Variants in UTP14C observed in about 807,000 individuals in gnomAD.
UTP14C encodes the protein UTP14C small subunit processome component.
Under a neutral mutation model 14.6 loss-of-function variants are expected in UTP14C, and 10 were observed. The observed-to-expected ratio is 0.68, with a 90% CI of 0.42 to 1.16. UTP14C has a LOEUF of 1.16. Ranked by LOEUF, UTP14C falls within the 50% of genes most tolerant of loss-of-function variation. UTP14C has a pLI of 0.00. For missense variants in UTP14C, 818 were observed against 890.8 expected, an observed-to-expected ratio of 0.92 and a Z score of 1.04; for synonymous variants, 315 against 331.6, an observed-to-expected ratio of 0.95 and a Z score of 0.54.
In UTP14C at chr13:52,030,208, A is replaced by G; in HGVS notation, c.1404A>G (p.Lys468=). 6.2e-7 allele frequency: 1 copy of G among 1,614,192 alleles called. No individual in the cohort carries two copies. Among genetic ancestry groups the G allele is most frequent in the Non-Finnish European group, 8.5e-7 (1 of 1,180,040 alleles). Residue 468 remains lysine (K), a synonymous_variant, in exon 2 of 2, where the codon AAA becomes AAG. Coordinates refer to ENST00000521776, the MANE Select transcript of UTP14C (RefSeq NM_021645.6). ...LRALSQKLKE[K]HQSRKQKASS... ...CACTATCTCAGAAATTGAAGGAAAA[A>G]CATCAGTCCAGGAAGCAAAAAGCAA...
chr13:52,031,221 C>G lies in UTP14C; in HGVS notation c.*116C>G. ...GCTCAGCACATTGCATGTAGTTGAG[C>G]CACATTTTTTAAAAAAAGAAAATGG... On this transcript the variant is annotated 3_prime_UTR_variant, in exon 2 of 2. Transcript: ENST00000521776. 1 of 1,444,540 alleles carries G rather than the reference C, an allele frequency of 6.9e-7. No homozygotes were observed. The highest frequency in any genetic ancestry group is 9.2e-7 in the Non-Finnish European group (1 of 1,083,924). The allele number at this position is 1,444,540 out of a possible 1,614,324, so 89.5% of individuals were successfully genotyped here.
intron 1 of UTP14C, among the ~76,000 whole-genome samples, chr13:52,027,236 T>C (rs1333394444): frequency 6.6e-6 from 1 of 152,018 alleles, no homozygotes; most frequent in East Asian, 1.9e-4. Flanking sequence ...TTCAGTAAGT[T>C]TATCTGTGAA....
rs1454573293 is a variant in UTP14C, at chr13:52,033,241, T to C, written c.*2136T>C. ...AACTTTCAGGATGACTATTAATTCC[T>C]CTCAGATGTCATTTTTGAGTGGTCC... On this transcript the variant is annotated 3_prime_UTR_variant, in exon 2 of 2. Transcript: ENST00000521776. The C allele has an allele frequency of 1.2e-5, 2 of 167,076 alleles. No individual in the cohort carries two copies. Among genetic ancestry groups the C allele is most frequent in the Admixed American group, 1.3e-4 (2 of 15,270 alleles). The allele number at this position is 167,076 out of a possible 1,614,324, so 10.3% of individuals were successfully genotyped here. A position where few individuals can be genotyped will look rare whatever the true frequency, so the allele number is the denominator to read the frequency against.
At chr13:52,026,173 G>A (rs904055625) in intron 1 of UTP14C, among the ~76,000 whole-genome samples, 3 of 152,166 alleles carry the variant, frequency 2.0e-5, no homozygotes, top group African/African-American at 4.8e-5. Context: ...AGACTTGTGC[G>A]GGCAGGGAAC....
rs760170513 is a variant in UTP14C, at chr13:52,028,779, A to G, written c.-26A>G. On this transcript the variant is annotated 5_prime_UTR_variant, in exon 2 of 2. Coordinates refer to ENST00000521776, the MANE Select transcript of UTP14C (RefSeq NM_021645.6). The stretch of plus-strand genomic sequence containing the variant: ...CTAGCCTTCGGCTTCCATTCTTGGT[A>G]TACATGAGAGAGGCTGGCTGCTGAG... 3 of 1,614,232 alleles carry G rather than the reference A, an allele frequency of 1.9e-6. No homozygotes were observed. The highest frequency in any genetic ancestry group is 3.3e-5 in the Admixed American group (2 of 60,018).
chr13:52,032,127 CAGG>C lies in UTP14C; in HGVS notation c.*1025_*1027del, dbSNP rs1159745033. On this transcript the variant is annotated 3_prime_UTR_variant, in exon 2 of 2. Coordinates refer to ENST00000521776, the MANE Select transcript of UTP14C (RefSeq NM_021645.6). ...ATCCCAGCTACTTGGGAGACTGAGGCAGGAGAATTGCTTGAAACTGGAAGGCAG... is the reference window on the plus strand; with the variant it reads ...ATCCCAGCTACTTGGGAGACTGAGGCAGAATTGCTTGAAACTGGAAGGCAG... 5 of 152,834 alleles carry C rather than the reference CAGG, an allele frequency of 3.3e-5. No individual in the cohort carries two copies. Among genetic ancestry groups the C allele is most frequent in the African/African-American group, 1.2e-4 (5 of 41,430 alleles). 9.5% of individuals were successfully genotyped at this position (152,834 alleles called of 1,614,324 possible). A position where few individuals can be genotyped will look rare whatever the true frequency, so the allele number is the denominator to read the frequency against.
At position 52,030,084 on chromosome 13, in the gene UTP14C, C is replaced by A; in HGVS notation, c.1280C>A (p.Ser427Tyr). ...TTGAGAGAATTTGAGGAAAGGCAAT[C>A]CCTTAGAAAAAGATCTGAGCTCAAC... ...ILLREFEERQ[S>Y]LRKRSELNQD... The change falls in exon 2 of 2, where the codon TCC becomes TAC. Residue 427 changes from serine to tyrosine, a missense_variant. Physicochemically the swap from Ser to Tyr is moderately radical, Grantham distance 144 (BLOSUM62 -2). Transcript: ENST00000521776. 6.2e-7 allele frequency: 1 copy of A among 1,614,178 alleles called. No homozygotes were observed. Among genetic ancestry groups the A allele is most frequent in the Non-Finnish European group, 8.5e-7 (1 of 1,180,044 alleles).
chr13:52,029,814 A>C lies in UTP14C; in HGVS notation c.1010A>C (p.Gln337Pro). Residue 337 changes from glutamine (Q) to proline (P), a missense_variant, in exon 2 of 2, where the codon CAG (glutamine) becomes CCG (proline). By Grantham distance (76) the Gln-to-Pro change is moderately conservative. Transcript: ENST00000521776. ...AKNKELTQKL[Q>P]VASESEEEEG... is the part of the protein sequence containing the mutation. ...AACAAAGAACTGACACAGAAACTCCAGGTAGCCTCTGAGAGTGAGGAAGAG... is the reference window on the plus strand; with the variant it reads ...AACAAAGAACTGACACAGAAACTCCCGGTAGCCTCTGAGAGTGAGGAAGAG... 6.2e-7 allele frequency: 1 copy of C among 1,614,252 alleles called. No homozygotes were observed. Among genetic ancestry groups the C allele is most frequent in the Non-Finnish European group, 8.5e-7 (1 of 1,180,046 alleles).
chr13:52,028,630 G>A lies in UTP14C; in HGVS notation c.-175G>A, dbSNP rs745659911. 8 of 1,585,646 alleles carry A rather than the reference G, an allele frequency of 5.0e-6. No homozygotes were observed. In the African/African-American group the frequency reaches 9.5e-5, roughly 19 times the overall value. On this transcript the variant is annotated 5_prime_UTR_variant, in exon 2 of 2. Transcript: ENST00000521776. ...AATTAAAGATATTTTATATAAACTG[G>A]TTAAACACCTTCATATGTAAATATT...
rs41292790 is a variant in UTP14C at position 52,024,999 on chromosome 13, A to G, written c.-487+62A>G. The G allele has an allele frequency of 0.12, 174,461 of 1,501,530 alleles. 10,658 individuals are homozygous for G. The highest frequency in any genetic ancestry group is 0.16 in the Middle Eastern group (916 of 5,848). The allele number at this position is 1,501,530 out of a possible 1,614,324, so 93.0% of individuals were successfully genotyped here. A position where few individuals can be genotyped will look rare whatever the true frequency, so the allele number is the denominator to read the frequency against. On this transcript the variant is annotated intron_variant, in intron 1 of 1. Coordinates refer to ENST00000521776, the MANE Select transcript of UTP14C (RefSeq NM_021645.6). The stretch of plus-strand genomic sequence containing the variant: ...GAGATACACATTTTAAGTTCTTTTG[A>G]TAAAATGATAATACTCTGGAAATCT...
At chr13:52,027,373 C>T (rs1369284889) in intron 1 of UTP14C, among the ~76,000 whole-genome samples, 1 of 152,118 alleles carries the variant, frequency 6.6e-6, no homozygotes, top group Non-Finnish European at 1.5e-5. Flanking sequence ...GTAAAAGATG[C>T]AGGTCTCTGA....
In UTP14C at chr13:52,029,099, T is replaced by C. The variant is rs1177474375; in HGVS notation, c.295T>C (p.Leu99=). The change falls in exon 2 of 2, where the codon TTG becomes CTG. Residue 99 remains leucine (L), a synonymous_variant. Transcript: ENST00000521776. ...LLEPVKTSSS[L]ATVKKQLNRV... Reference sequence around the variant, plus strand: ...TGAGCCCGTTAAAACTTCATCTTCTTTGGCCACTGTAAAAAAGCAACTGAA... The same window carrying C: ...TGAGCCCGTTAAAACTTCATCTTCTCTGGCCACTGTAAAAAAGCAACTGAA... 1.4e-5 allele frequency: 22 copies of C among 1,614,054 alleles called. No individual in the cohort carries two copies. Among genetic ancestry groups the C allele is most frequent in the Non-Finnish European group, 1.9e-5 (22 of 1,180,042 alleles).
At chr13:52,027,222 C>T (rs1954249818) in intron 1 of UTP14C, among the ~76,000 whole-genome samples, 1 of 152,052 alleles carries the variant, frequency 6.6e-6, no homozygotes. Context: ...GTGCAAACCA[C>T]ACTTTCAGTA....
Position 52,029,615 on chromosome 13 carries a change from CAGA to C in UTP14C, c.814_816del (p.Lys272del). The C allele has an allele frequency of 1.2e-6, 2 of 1,614,170 alleles. No homozygotes were observed. Among genetic ancestry groups the C allele is most frequent in the South Asian group, 1.1e-5 (1 of 91,082 alleles). ...AGCCTTAAAAGAGTTTGAGCAGCTA[CAGA>C]AGGTTAATCCAACTGTGGCACTGGA... On this transcript the variant is annotated inframe_deletion, in exon 2 of 2. Coordinates refer to ENST00000521776, the MANE Select transcript of UTP14C (RefSeq NM_021645.6).
At position 52,028,927 on chromosome 13, in the gene UTP14C, G is replaced by T; in HGVS notation, c.123G>T (p.Lys41Asn). The T allele has an allele frequency of 6.2e-7, 1 of 1,614,222 alleles. No individual in the cohort carries two copies. The highest frequency in any genetic ancestry group is 1.7e-5 in the Admixed American group (1 of 60,022). ...EDEGDSDGERKHQKLLEAIIS... is the reference protein window; with the variant it reads ...EDEGDSDGERNHQKLLEAIIS... ...AGGGGGACAGTGATGGAGAGAGAAA[G>T]CATCAAAAGCTTCTGGAAGCAATCA... The change falls in exon 2 of 2, where the codon AAG becomes AAT. Residue 41 changes from lysine to asparagine, a missense_variant. By Grantham distance (94) the Lys-to-Asn change is moderately conservative. Transcript: ENST00000521776.
Position 52,030,493 on chromosome 13 carries a change from G to GA in UTP14C, c.1690dup (p.Thr564AsnfsTer22). On this transcript the variant is annotated frameshift_variant, in exon 2 of 2. Coordinates refer to ENST00000521776, the MANE Select transcript of UTP14C (RefSeq NM_021645.6). LOFTEE classifies it high-confidence loss of function. Reference sequence around the variant, plus strand: ...AACTGATCAACCTACAGAACTTCCTGACCACACAGTCTCCTTCCGTGAGGT... The same window carrying GA: ...AACTGATCAACCTACAGAACTTCCTGAACCACACAGTCTCCTTCCGTGAGGT... 1 of 1,614,218 alleles carries GA rather than the reference G, an allele frequency of 6.2e-7. No individual in the cohort carries two copies. The highest frequency in any genetic ancestry group is 8.5e-7 in the Non-Finnish European group (1 of 1,180,036).
Position 52,028,653 on chromosome 13 carries a change from A to AT in UTP14C, c.-147dup. The AT allele has an allele frequency of 2.6e-6, 4 of 1,561,784 alleles. No individual in the cohort carries two copies. The highest frequency in any genetic ancestry group is 3.5e-6 in the Non-Finnish European group (4 of 1,142,170). ...TGGTTAAACACCTTCATATGTAAATATTTTTCTAAATTCAATCTCATTTGT... is the reference window on the plus strand; with the variant it reads ...TGGTTAAACACCTTCATATGTAAATATTTTTTCTAAATTCAATCTCATTTGT... On this transcript the variant is annotated 5_prime_UTR_variant, in exon 2 of 2. Transcript: ENST00000521776.
In UTP14C at chr13:52,032,041, G is replaced by A. The variant is rs1446599982; in HGVS notation, c.*936G>A. ...TTGAGACCAGCCTGAACAACATGGT[G>A]AAACCCTGTCTGTACTAAAAATACA... On this transcript the variant is annotated 3_prime_UTR_variant, in exon 2 of 2. Coordinates refer to ENST00000521776, the MANE Select transcript of UTP14C (RefSeq NM_021645.6). 6.4e-6 allele frequency: 1 copy of A among 155,050 alleles called. No individual in the cohort carries two copies. The highest frequency in any genetic ancestry group is 2.4e-5 in the African/African-American group (1 of 41,418). The allele number at this position is 155,050 out of a possible 1,614,324, so 9.6% of individuals were successfully genotyped here. A position where few individuals can be genotyped will look rare whatever the true frequency, so the allele number is the denominator to read the frequency against.
chr13:52,026,630 A>G (rs1593904681), intron 1 of UTP14C, among the ~76,000 whole-genome samples: 1 of 152,274 alleles, frequency 6.6e-6, no homozygotes, highest in East Asian at 1.9e-4. Context: ...GGAAGAGAAG[A>G]CTACCTAGGG....
Sources: gnomAD v4.1 joint callset for allele counts (sites outside exome capture counted in the v4.1 genomes callset) on GRCh38, gnomAD v4.1.1 for gene constraint, MANE v1.5 for transcripts, NCBI Gene and HGNC (gene_info 2026-07-23, HGNC 2026-07-21) for gene names.